The following CSRNP3 variants were observed in gnomAD, a reference collection of about 807,000 sequenced individuals.
CSRNP3 encodes the protein cysteine and serine rich nuclear protein 3, also known as cysteine/serine-rich nuclear protein 3.
Under a neutral mutation model 48.0 loss-of-function variants are expected in CSRNP3, and 12 were observed. That is an observed-to-expected ratio of 0.25 (90% CI 0.16 to 0.41). The LOEUF is 0.41. CSRNP3 is among the 10% of genes least tolerant of loss of function. The pLI is 1.00. For missense variants in CSRNP3, 580 were observed against 724.4 expected (o/e 0.80, Z 2.29); for synonymous variants, 263 against 269.7 (o/e 0.98, Z 0.24).
At chr2:165,609,255 A>G (rs1394267595) in intron 4 of CSRNP3, among the ~76,000 whole-genome samples, 1 of 151,050 alleles carries the variant, frequency 6.6e-6, no homozygotes, top group Non-Finnish European at 1.5e-5. Context: ...GGAGATCGAG[A>G]CCATCCTGGC....
intron 3 of CSRNP3, among the ~76,000 whole-genome samples, chr2:165,562,231 G>A (rs888075983): frequency 1.8e-4 from 28 of 152,176 alleles, no homozygotes; most frequent in African/African-American, 6.8e-4. Flanking sequence ...GTCTTGGACA[G>A]ACATGGAGAA....
At chr2:165,595,850 G>A (rs1024451128) in intron 4 of CSRNP3, among the ~76,000 whole-genome samples, 3 of 152,176 alleles carry the variant, frequency 2.0e-5, no homozygotes, top group African/African-American at 7.2e-5. Context: ...AGGCTGGAGT[G>A]CAGTGGCATG....
rs988950889 is a variant in CSRNP3, at chr2:165,635,602, C to T, written c.149-22159C>T. ...ATGCACACAGGACAAATAGAAATGT[C>T]GATACCCTATTTTATTTATTATATT... On this transcript the variant is annotated intron_variant, in intron 4 of 6. Coordinates refer to ENST00000651982, the MANE Select transcript of CSRNP3 (RefSeq NM_001172173.2). Among the ~76,000 whole-genome samples the T allele has an allele frequency of 1.1e-4, 16 of 152,084 alleles. 1 individual carries two copies. The highest frequency in any genetic ancestry group is 2.6e-4 in the Admixed American group (4 of 15,270).
intron 5 of CSRNP3, among the ~76,000 whole-genome samples, chr2:165,661,717 T>C (rs1350089244): frequency 6.6e-6 from 1 of 152,176 alleles, no homozygotes; most frequent in Non-Finnish European, 1.5e-5. Context: ...GTAAGGATTG[T>C]TAAAGACAAA....
chr2:165,476,040 AAT>A lies in CSRNP3; in HGVS notation c.-283+6301_-283+6302del, dbSNP rs372119561. On this transcript the variant is annotated intron_variant, in intron 1 of 6. Transcript: ENST00000651982. ...TTAATATATAATACAAGTGTTAATT[AAT>A]GTTTGTGTAAGAAAATATAGTAGTA... 7.0e-4 allele frequency among the ~76,000 whole-genome samples: 107 copies of A among 152,334 alleles called. 2 individuals carry two copies. The East Asian group carries it at 0.02, about 28-fold the overall frequency.
intron 3 of CSRNP3, chr2:165,566,841 C>T (rs1256030901): frequency 6.6e-6 from 1 of 151,782 alleles, no homozygotes; most frequent in East Asian, 1.9e-4. Context: ...AACTTGGTTC[C>T]AAGAGTATAG....
At chr2:165,594,138 A>C (rs935341307) in intron 3 of CSRNP3, among the ~76,000 whole-genome samples, 1 of 152,202 alleles carries the variant, frequency 6.6e-6, no homozygotes, top group African/African-American at 2.4e-5. Context: ...AATTCAGAGC[A>C]CTTCTTATCT....
intron 4 of CSRNP3, among the ~76,000 whole-genome samples, chr2:165,610,417 G>T (rs957233534): frequency 2.0e-5 from 3 of 152,166 alleles, no homozygotes; most frequent in Non-Finnish European, 4.4e-5. Flanking sequence ...ATATTAGACA[G>T]TCTGGGTTCA....
chr2:165,532,907 A>G (rs1232921793), intron 3 of CSRNP3, among the ~76,000 whole-genome samples: 1 of 152,164 alleles, frequency 6.6e-6, no homozygotes, highest in Admixed American at 6.5e-5. Flanking sequence ...GCATTCTTAT[A>G]CACCAATAAC....
chr2:165,638,817 A>G (rs1042030420), intron 4 of CSRNP3, among the ~76,000 whole-genome samples: 1 of 152,170 alleles, frequency 6.6e-6, no homozygotes, highest in Non-Finnish European at 1.5e-5. Flanking sequence ...AATTGTTGGG[A>G]AATGTCCTCT....
chr2:165,486,309 C>T (rs1442694456), intron 1 of CSRNP3, among the ~76,000 whole-genome samples: 1 of 152,296 alleles, frequency 6.6e-6, no homozygotes, highest in South Asian at 2.1e-4. Flanking sequence ...CACAGAATCT[C>T]GCTGATTGCT....
chr2:165,597,448 C>T (rs2105297409), intron 4 of CSRNP3, among the ~76,000 whole-genome samples: 1 of 152,134 alleles, frequency 6.6e-6, no homozygotes, highest in Non-Finnish European at 1.5e-5. Context: ...GATTTAGACT[C>T]ACGTCTCACA....
intron 1 of CSRNP3, among the ~76,000 whole-genome samples, chr2:165,494,326 C>T (rs1684258005): frequency 6.6e-6 from 1 of 152,128 alleles, no homozygotes; most frequent in Non-Finnish European, 1.5e-5. Flanking sequence ...AAAAAGAAAT[C>T]CCAAGCAAGA....
intron 5 of CSRNP3, among the ~76,000 whole-genome samples, chr2:165,672,887 G>A (rs907585750): frequency 6.6e-6 from 1 of 152,122 alleles, no homozygotes; most frequent in Non-Finnish European, 1.5e-5. Flanking sequence ...ACTTCAAGGG[G>A]ATAGCAGGGA....
intron 4 of CSRNP3, among the ~76,000 whole-genome samples, chr2:165,637,335 T>C (rs1490740494): frequency 6.6e-6 from 1 of 152,220 alleles, no homozygotes; most frequent in Non-Finnish European, 1.5e-5. Context: ...TATAGAGATT[T>C]GGTGGAAACA....
chr2:165,525,097 A>G (rs1195366483), intron 3 of CSRNP3, among the ~76,000 whole-genome samples: 1 of 152,152 alleles, frequency 6.6e-6, no homozygotes, highest in African/African-American at 2.4e-5. Flanking sequence ...TGGTATTATC[A>G]GTTTTTATTT....
intron 3 of CSRNP3, among the ~76,000 whole-genome samples, chr2:165,539,493 A>C (rs1028409330): frequency 6.6e-6 from 1 of 152,008 alleles, no homozygotes; most frequent in Non-Finnish European, 1.5e-5. Context: ...TATTTTAAAC[A>C]TTTTTGCATA....
At chr2:165,671,603 C>A (rs978100994) in intron 5 of CSRNP3, among the ~76,000 whole-genome samples, 4 of 152,148 alleles carry the variant, frequency 2.6e-5, no homozygotes, top group African/African-American at 9.7e-5. Flanking sequence ...ACCATTTTTT[C>A]CTTCTAGGCC....
At chr2:165,589,983 G>A (rs970128672) in intron 3 of CSRNP3, among the ~76,000 whole-genome samples, 2 of 152,106 alleles carry the variant, frequency 1.3e-5, no homozygotes, top group African/African-American at 4.8e-5. Flanking sequence ...GTATTACTTT[G>A]TGTCTTGGAG....
Sources: gnomAD v4.1 joint callset for allele counts (sites outside exome capture counted in the v4.1 genomes callset) on GRCh38, gnomAD v4.1.1 for gene constraint, MANE v1.5 for transcripts, NCBI Gene and HGNC (gene_info 2026-07-23, HGNC 2026-07-21) for gene names.